Variants in PTPRN2 observed in about 807,000 individuals in gnomAD.
PTPRN2 encodes receptor-type tyrosine-protein phosphatase N2.
PTPRN2 carries 74 observed loss-of-function variants against 118.8 expected under a neutral mutation model. The ratio of observed to expected loss-of-function variants is 0.62; its 90% CI spans 0.52 to 0.76. PTPRN2 has a LOEUF of 0.76. PTPRN2 is among the 30% of genes least tolerant of loss of function. PTPRN2 has a pLI of 0.00. For missense variants in PTPRN2, 1,481 were observed against 1,394.4 expected (o/e 1.06, Z -0.99); for synonymous variants, 641 against 608.0 (o/e 1.05, Z -0.80).
chr7:158,323,065 G>T (rs185527043), intron 2 of PTPRN2, among the ~76,000 whole-genome samples: 1 of 152,226 alleles, frequency 6.6e-6, no homozygotes. Context: ...ACAGGCTTGT[G>T]GGGGAGGGGA....
At chr7:158,513,623 G>T (rs111924120) in intron 1 of PTPRN2, among the ~76,000 whole-genome samples, 554 of 3,676 alleles carry the variant, frequency 0.15, 16 homozygotes, top group East Asian at 0.44. Context: ...GTTTATTATA[G>T]ACAGAGAGAG....
intron 3 of PTPRN2, among the ~76,000 whole-genome samples, chr7:158,270,925 C>CTGGATGA: frequency 1.6e-5 from 1 of 63,034 alleles, no homozygotes; most frequent in Non-Finnish European, 3.3e-5. Flanking sequence ...CCTGGACCAC[C>CTGGATGA]CCCCCCACCT....
At chr7:157,911,063 CTCTTT>C (rs1563231893) in intron 11 of PTPRN2, among the ~76,000 whole-genome samples, 1 of 152,214 alleles carries the variant, frequency 6.6e-6, no homozygotes, top group Non-Finnish European at 1.5e-5. Context: ...TTCATCATCT[CTCTTT>C]TCTTCTTTGG....
Position 157,603,953 on chromosome 7 carries a change from G to A in PTPRN2, c.2418+49C>T, listed in dbSNP as rs769701132. ...CCTTCCCACGTGATTTGCCGCGTCC[G>A]TGCCACCCAAGGGAAAGCCTGGGGC... On this transcript the variant is annotated intron_variant, in intron 16 of 22. Transcript: ENST00000389418. The surrounding 1 kb of genome is among the most constrained non-coding windows in gnomAD (Gnocchi z 5.4). 28 of 1,547,608 alleles carry A rather than the reference G, an allele frequency of 1.8e-5. No individual in the cohort carries two copies. Among genetic ancestry groups the A allele is most frequent in the Admixed American group, 6.7e-5 (4 of 59,492 alleles).
intron 6 of PTPRN2, among the ~76,000 whole-genome samples, chr7:158,146,958 C>A (rs1820135639): frequency 4.2e-5 from 6 of 144,226 alleles, no homozygotes; most frequent in African/African-American, 1.3e-4. Context: ...CCCTCAATGA[C>A]ACCCCATCTC....
At chr7:157,552,847 C>A (rs1253293332) in intron 21 of PTPRN2, among the ~76,000 whole-genome samples, 1 of 152,216 alleles carries the variant, frequency 6.6e-6, no homozygotes, top group Non-Finnish European at 1.5e-5. Flanking sequence ...ATGGGCCAGC[C>A]TCACCTCTGG....
intron 12 of PTPRN2, among the ~76,000 whole-genome samples, chr7:157,894,027 G>T (rs1358860020): frequency 6.6e-6 from 1 of 152,216 alleles, no homozygotes; most frequent in Non-Finnish European, 1.5e-5. Flanking sequence ...AGCTCGTGAT[G>T]GAAGGGTTTG....
intron 1 of PTPRN2, among the ~76,000 whole-genome samples, chr7:158,501,014 G>C (rs561882683): frequency 6.6e-6 from 1 of 152,266 alleles, no homozygotes; most frequent in Admixed American, 6.5e-5. Flanking sequence ...GCGGCTTCCC[G>C]CCTCCCGCTC....
chr7:158,194,045 C>T (rs1172622962), intron 4 of PTPRN2, among the ~76,000 whole-genome samples: 3 of 152,138 alleles, frequency 2.0e-5, no homozygotes, highest in Non-Finnish European at 2.9e-5. Context: ...ACGATAGCGC[C>T]GCTGTGCTCC....
intron 2 of PTPRN2, among the ~76,000 whole-genome samples, chr7:158,346,464 T>C (rs1383643554): frequency 6.6e-6 from 1 of 152,238 alleles, no homozygotes; most frequent in Non-Finnish European, 1.5e-5. Context: ...AATCACAGAA[T>C]TCCTTCCTTT....
chr7:158,529,989 A>G lies in PTPRN2; in HGVS notation c.113-40204T>C, dbSNP rs1825102065. ...CATGCACGCCACACATGCCATACAC[A>G]CCACACGCATGCCACATGCACACCC... On this transcript the variant is annotated intron_variant, in intron 1 of 22. Transcript: ENST00000389418. The surrounding 1 kb of genome is among the most constrained non-coding windows in gnomAD (Gnocchi z 4.7). 6.6e-6 allele frequency among the ~76,000 whole-genome samples: 1 copy of G among 152,042 alleles called. No individual in the cohort carries two copies. The highest frequency in any genetic ancestry group is 1.5e-5 in the Non-Finnish European group (1 of 68,006).
intron 11 of PTPRN2, among the ~76,000 whole-genome samples, chr7:157,940,282 T>G (rs1412236498): frequency 6.6e-6 from 1 of 152,196 alleles, no homozygotes; most frequent in African/African-American, 2.4e-5. Flanking sequence ...CTAGTGTTAT[T>G]ATTAAATTTT....
intron 13 of PTPRN2, among the ~76,000 whole-genome samples, chr7:157,669,212 G>C (rs1796284662): frequency 6.6e-6 from 1 of 152,214 alleles, no homozygotes. Context: ...GGCCGCCCCT[G>C]AATGCCAGGG....
intron 12 of PTPRN2, among the ~76,000 whole-genome samples, chr7:157,858,027 TG>T (rs1170381616): frequency 6.6e-6 from 1 of 151,836 alleles, no homozygotes; most frequent in Non-Finnish European, 1.5e-5. Flanking sequence ...CGGCCTTTGC[TG>T]GTTCTCTGAG....
rs1042455744 is a variant in PTPRN2, at chr7:157,812,110, C to T, written c.1788+86563G>A. Among the ~76,000 whole-genome samples the T allele has an allele frequency of 3.3e-5, 5 of 152,174 alleles. No homozygotes were observed. The South Asian group carries it at 6.2e-4, about 19-fold the overall frequency. On this transcript the variant is annotated intron_variant, in intron 12 of 22. Transcript: ENST00000389418. ...CTCCCCTTATCAACCCGGCATCCCTCGACCATGTTCTCTGGTGCACACAGG... is the reference window on the plus strand; with the variant it reads ...CTCCCCTTATCAACCCGGCATCCCTTGACCATGTTCTCTGGTGCACACAGG...
intron 5 of PTPRN2, among the ~76,000 whole-genome samples, chr7:158,168,920 T>A (rs1195374734): frequency 6.6e-6 from 1 of 152,182 alleles, no homozygotes. Flanking sequence ...ATGAATAATT[T>A]CCAGCTTAGA....
At chr7:158,373,840 C>T (rs1345766056) in intron 2 of PTPRN2, among the ~76,000 whole-genome samples, 1 of 152,156 alleles carries the variant, frequency 6.6e-6, no homozygotes, top group South Asian at 2.1e-4. Flanking sequence ...ATCTGGGCGC[C>T]CTCTCTGGAT....
rs117311141 is a variant in PTPRN2, at chr7:157,771,602, C to T, written c.1789-88665G>A. On this transcript the variant is annotated intron_variant, in intron 12 of 22. Coordinates refer to ENST00000389418, the MANE Select transcript of PTPRN2 (RefSeq NM_002847.5). ...ACTGAGTGGAGGAGAAAGACACACA[C>T]GGCACAGGGAAAATGTGCTGGCAAA... Among the ~76,000 whole-genome samples the T allele has an allele frequency of 8.5e-3, 1,289 of 152,300 alleles. 19 individuals carry two copies. The highest frequency in any genetic ancestry group is 0.061 in the Middle Eastern group (18 of 294).
chr7:157,721,086 G>C (rs1339110458), intron 12 of PTPRN2, among the ~76,000 whole-genome samples: 1 of 152,194 alleles, frequency 6.6e-6, no homozygotes, highest in Non-Finnish European at 1.5e-5. Context: ...GTGTGCTCTG[G>C]CCTATTTTAG....
Sources: allele counts gnomAD v4.1 joint callset (sites outside exome capture counted in the v4.1 genomes callset), GRCh38; gene constraint gnomAD v4.1.1; non-coding constraint Gnocchi (gnomAD v3.1); transcripts MANE v1.5; gene names NCBI Gene and HGNC (gene_info 2026-07-23, HGNC 2026-07-21).